Variants in KIAA1958 observed in about 807,000 individuals in gnomAD.
The protein encoded by KIAA1958 is uncharacterized protein KIAA1958.
In KIAA1958, 14 loss-of-function variants were observed where a neutral mutation model predicts 47.2. That is an observed-to-expected ratio of 0.30 (90% CI 0.20 to 0.46). KIAA1958 has a LOEUF of 0.46. Ranked by LOEUF, KIAA1958 falls within the 20% of genes least tolerant of loss-of-function variation. The pLI, the probability that KIAA1958 is intolerant of heterozygous loss-of-function variation, is 1.00. For synonymous variants in KIAA1958, 354 were observed against 353.3 expected, an observed-to-expected ratio of 1.00 and a Z score of -0.02; for missense variants, 803 against 909.2, an observed-to-expected ratio of 0.88 and a Z score of 1.50.
At chr9:112,522,319 C>T (rs1456928902) in intron 1 of KIAA1958, among the ~76,000 whole-genome samples, 1 of 152,216 alleles carries the variant, frequency 6.6e-6, no homozygotes, top group African/African-American at 2.4e-5. Flanking sequence ...TTGCTATCCT[C>T]TAGTATTTCA....
At chr9:112,512,357 A>G (rs1834337439) in intron 1 of KIAA1958, among the ~76,000 whole-genome samples, 1 of 152,246 alleles carries the variant, frequency 6.6e-6, no homozygotes, top group South Asian at 2.1e-4. Context: ...AAACTCAGGA[A>G]AACAGTTTAT....
chr9:112,553,779 G>C (rs2132841412), intron 1 of KIAA1958, among the ~76,000 whole-genome samples: 1 of 152,006 alleles, frequency 6.6e-6, no homozygotes, highest in East Asian at 1.9e-4. Flanking sequence ...CCAGTAACTA[G>C]GTTTATTTGT....
At chr9:112,539,442 A>G (rs1257855325) in intron 1 of KIAA1958, among the ~76,000 whole-genome samples, 1 of 152,190 alleles carries the variant, frequency 6.6e-6, no homozygotes, top group Non-Finnish European at 1.5e-5. Context: ...AAGACTACAT[A>G]TTTCATTTTC....
At chr9:112,563,583 T>C (rs985859137) in intron 1 of KIAA1958, among the ~76,000 whole-genome samples, 1 of 152,120 alleles carries the variant, frequency 6.6e-6, no homozygotes, top group Non-Finnish European at 1.5e-5. Flanking sequence ...TCCTTTACTT[T>C]GCTAAATTCA....
intron 2 of KIAA1958, among the ~76,000 whole-genome samples, chr9:112,624,431 A>G (rs1335395091): frequency 6.6e-6 from 1 of 152,254 alleles, no homozygotes; most frequent in African/African-American, 2.4e-5. Context: ...TGATGAAGCT[A>G]GGATAATTTT....
rs1015079892 is a variant in KIAA1958 at position 112,545,679 on chromosome 9, C to T, written c.-24-28378C>T. 5.3e-5 allele frequency among the ~76,000 whole-genome samples: 8 copies of T among 152,042 alleles called. No individual in the cohort carries two copies. In the East Asian group the frequency reaches 1.5e-3, roughly 29 times the overall value. ...GGAGGGAGTTTTTCTACTTACAGAG[C>T]ATCTGGGAGATGAATTGGAAAGGCA... On this transcript the variant is annotated intron_variant, in intron 1 of 3. Coordinates refer to ENST00000337530, the MANE Select transcript of KIAA1958 (RefSeq NM_133465.4).
chr9:112,624,683 AT>A (rs1016474187), intron 2 of KIAA1958, among the ~76,000 whole-genome samples: 28 of 152,236 alleles, frequency 1.8e-4, no homozygotes, highest in African/African-American at 6.3e-4. Context: ...AGCTTGAAAA[AT>A]TTTTTTTAAT....
At chr9:112,586,973 C>T (rs976965238) in intron 2 of KIAA1958, among the ~76,000 whole-genome samples, 2 of 152,148 alleles carry the variant, frequency 1.3e-5, no homozygotes, top group Non-Finnish European at 2.9e-5. Context: ...CAGCAGCCCC[C>T]TTCTCCCCAC....
Position 112,574,227 on chromosome 9 carries a change from C to T in KIAA1958, c.147C>T (p.Gly49=). ...ATGGGAACCTGACAGCAATGTGGGG[C>T]TGTAGTGCTGGCCATGCTTATCACT... The part of the protein sequence containing the change: ...GSHGNLTAMW[G]CSAGHAYHWP... Residue 49 remains glycine (G), a synonymous_variant, in exon 2 of 4, where the codon GGC becomes GGT. Transcript: ENST00000337530. 1 of 1,614,160 alleles carries T rather than the reference C, an allele frequency of 6.2e-7. No homozygotes were observed.
chr9:112,595,388 C>T (rs1341660869), intron 2 of KIAA1958, among the ~76,000 whole-genome samples: 1 of 152,150 alleles, frequency 6.6e-6, no homozygotes, highest in Non-Finnish European at 1.5e-5. Flanking sequence ...TGGCCGGGTG[C>T]AGTGGCTCAC....
chr9:112,659,459 TGTGGG>T lies in KIAA1958; in HGVS notation c.1542_1546del (p.Trp515AlafsTer3). 1 of 1,613,884 alleles carries T rather than the reference TGTGGG, an allele frequency of 6.2e-7. No homozygotes were observed. The highest frequency in any genetic ancestry group is 2.2e-5 in the East Asian group (1 of 44,880). On this transcript the variant is annotated frameshift_variant, in exon 4 of 4. Coordinates refer to ENST00000337530, the MANE Select transcript of KIAA1958 (RefSeq NM_133465.4). LOFTEE classifies it high-confidence loss of function. ...TCCACCAAGAAACTCAAGGAGAAGC[TGTGGG>T]TGCTGAGTAAGGCAGGCATGTCGGG...
chr9:112,525,757 T>G (rs569421285), intron 1 of KIAA1958, among the ~76,000 whole-genome samples: 1 of 151,908 alleles, frequency 6.6e-6, no homozygotes, highest in South Asian at 2.1e-4. Flanking sequence ...TTGATTATTG[T>G]TACTGTTTTG....
intron 1 of KIAA1958, among the ~76,000 whole-genome samples, chr9:112,489,434 C>T (rs930437746): frequency 1.3e-5 from 2 of 149,790 alleles, no homozygotes; most frequent in African/African-American, 4.9e-5. Flanking sequence ...TTTATGTGGG[C>T]TGGCTGAAAG....
intron 1 of KIAA1958, among the ~76,000 whole-genome samples, chr9:112,556,396 C>T (rs1490990228): frequency 1.3e-5 from 2 of 152,170 alleles, no homozygotes; most frequent in Admixed American, 1.3e-4. Context: ...ATACACATGC[C>T]CTTTCATATT....
intron 1 of KIAA1958, among the ~76,000 whole-genome samples, chr9:112,546,481 T>C (rs1835034305): frequency 1.3e-5 from 2 of 152,008 alleles, no homozygotes; most frequent in South Asian, 4.1e-4. Context: ...TTTATTCCTT[T>C]GCCTTTTTTT....
chr9:112,561,753 G>A (rs1046149221), intron 1 of KIAA1958, among the ~76,000 whole-genome samples: 1 of 152,168 alleles, frequency 6.6e-6, no homozygotes, highest in African/African-American at 2.4e-5. Flanking sequence ...TACTCAGAAG[G>A]CTGAGGCAGG....
At chr9:112,505,810 C>G (rs951363457) in intron 1 of KIAA1958, among the ~76,000 whole-genome samples, 1 of 152,248 alleles carries the variant, frequency 6.6e-6, no homozygotes, top group Admixed American at 6.5e-5. Context: ...ATCCAGGCAG[C>G]TGTAGGAAAG....
chr9:112,533,439 A>G (rs10759576), intron 1 of KIAA1958, among the ~76,000 whole-genome samples: 144,067 of 150,936 alleles, frequency 0.95, 68,830 homozygotes, highest in African/African-American at 0.99. Context: ...AAAAATAGCC[A>G]GGCGTGGTGG....
intron 2 of KIAA1958, among the ~76,000 whole-genome samples, chr9:112,576,935 A>G (rs1210705662): frequency 6.6e-6 from 1 of 152,198 alleles, no homozygotes; most frequent in Non-Finnish European, 1.5e-5. Context: ...TTTCCCAAGC[A>G]GCTCCATCAT....
Sources: gnomAD v4.1 joint callset for allele counts (sites outside exome capture counted in the v4.1 genomes callset) on GRCh38, gnomAD v4.1.1 for gene constraint, MANE v1.5 for transcripts, NCBI Gene and HGNC (gene_info 2026-07-23, HGNC 2026-07-21) for gene names.